The following PDE4B variants were observed in gnomAD, a reference collection of about 807,000 sequenced individuals.
PDE4B encodes 3',5'-cyclic-AMP phosphodiesterase 4B.
In PDE4B, 20 loss-of-function variants were observed where a neutral mutation model predicts 82.2. The observed-to-expected ratio is 0.24, with a 90% confidence interval of 0.17 to 0.35. The LOEUF is 0.35. Among genes scored for constraint, PDE4B ranks in the 10% least tolerant of loss-of-function variants. The probability of loss-of-function intolerance (pLI) is 1.00; values close to 1 mark genes in which losing one functional copy is unlikely to be tolerated. For synonymous variants in PDE4B, 320 were observed against 318.9 expected (o/e 1.00, Z -0.04); for missense variants, 655 against 907.2 (o/e 0.72, Z 3.57).
intron 1 of PDE4B, among the ~76,000 whole-genome samples, chr1:65,832,136 T>C (rs1346080180): frequency 6.6e-6 from 1 of 152,154 alleles, no homozygotes; most frequent in Non-Finnish European, 1.5e-5. Context: ...ATGATAGGTG[T>C]AAGATTGAAA....
At chr1:65,925,318 C>T (rs1647437901) in intron 3 of PDE4B, among the ~76,000 whole-genome samples, 1 of 151,948 alleles carries the variant, frequency 6.6e-6, no homozygotes, top group South Asian at 2.1e-4. Context: ...GCACATGTAC[C>T]CCGGAACTGA....
Position 66,368,966 on chromosome 1 carries a change from C to T in PDE4B, c.1842C>T (p.Ser614=), listed in dbSNP as rs762250367. ...AACACACAGCTTCTGTGGAAAAATCCCAGGTATCTAATATGAGATTTTCAA... is the reference window on the plus strand; with the variant it reads ...AACACACAGCTTCTGTGGAAAAATCTCAGGTATCTAATATGAGATTTTCAA... The part of the protein sequence containing the change: ...CDKHTASVEK[S]QVGFIDYIVH... Residue 614 remains serine, a synonymous_variant, in exon 16 of 17, where the codon TCC becomes TCT. Transcript: ENST00000341517. The T allele has an allele frequency of 1.9e-6, 3 of 1,599,722 alleles. No individual in the cohort carries two copies. The highest frequency in any genetic ancestry group is 2.2e-5 in the South Asian group (2 of 89,054).
At chr1:66,016,566 G>C (rs1652792160) in intron 3 of PDE4B, among the ~76,000 whole-genome samples, 1 of 152,120 alleles carries the variant, frequency 6.6e-6, no homozygotes, top group African/African-American at 2.4e-5. Context: ...AGTTACAATT[G>C]TCAACCATGA....
intron 3 of PDE4B, among the ~76,000 whole-genome samples, chr1:66,047,381 T>A (rs1327651459): frequency 6.6e-6 from 1 of 151,920 alleles, no homozygotes; most frequent in Non-Finnish European, 1.5e-5. Context: ...AATGCCTGGC[T>A]TCTAAGGTGG....
chr1:65,950,527 G>T (rs1436605580), intron 3 of PDE4B, among the ~76,000 whole-genome samples: 1 of 152,056 alleles, frequency 6.6e-6, no homozygotes, highest in African/African-American at 2.4e-5. Flanking sequence ...AAGCAGAATA[G>T]GATGGGGAAA....
chr1:66,008,209 G>A (rs980901797), intron 3 of PDE4B, among the ~76,000 whole-genome samples: 2 of 152,156 alleles, frequency 1.3e-5, no homozygotes, highest in African/African-American at 4.8e-5. Context: ...ACATTAGAGA[G>A]AAGAGACAAA....
chr1:66,008,889 G>T (rs1652307287), intron 3 of PDE4B, among the ~76,000 whole-genome samples: 1 of 151,972 alleles, frequency 6.6e-6, no homozygotes, highest in Non-Finnish European at 1.5e-5. Flanking sequence ...TGCTCCAGAG[G>T]GTTGTGGACC....
intron 3 of PDE4B, among the ~76,000 whole-genome samples, chr1:65,993,916 A>G (rs1226876995): frequency 6.6e-6 from 1 of 152,168 alleles, no homozygotes; most frequent in Non-Finnish European, 1.5e-5. Flanking sequence ...TAAACAGTAT[A>G]ATGATGAAAT....
At chr1:66,195,479 AAT>A (rs1283442100) in intron 3 of PDE4B, among the ~76,000 whole-genome samples, 6 of 152,176 alleles carry the variant, frequency 3.9e-5, no homozygotes, top group Admixed American at 3.9e-4. Flanking sequence ...GTTTATGAAT[AAT>A]ACTTTAGATC....
intron 1 of PDE4B, among the ~76,000 whole-genome samples, chr1:65,821,774 G>A (rs770238907): frequency 6.6e-5 from 10 of 152,150 alleles, no homozygotes; most frequent in Admixed American, 2.0e-4. Flanking sequence ...GCATGCATAA[G>A]AATCAACTGT....
intron 3 of PDE4B, among the ~76,000 whole-genome samples, chr1:66,176,463 A>G (rs1282652059): frequency 6.6e-6 from 1 of 152,230 alleles, no homozygotes; most frequent in Non-Finnish European, 1.5e-5. Context: ...ATAATGCAGT[A>G]ATTTAATTTT....
At chr1:66,074,832 G>C (rs371393953) in intron 3 of PDE4B, among the ~76,000 whole-genome samples, 1 of 152,028 alleles carries the variant, frequency 6.6e-6, no homozygotes, top group East Asian at 1.9e-4. Context: ...TTTTATGGCT[G>C]AATAATATTT....
intron 1 of PDE4B, among the ~76,000 whole-genome samples, chr1:65,855,197 G>GT (rs1646379151): frequency 6.6e-6 from 1 of 150,518 alleles, no homozygotes; most frequent in South Asian, 2.1e-4. Context: ...TTCAGGGTTG[G>GT]TTTTTATTGA....
intron 4 of PDE4B, 71 bp downstream of exon 4, chr1:66,247,725 A>T (rs1653433211): frequency 8.8e-7 from 1 of 1,133,092 alleles, no homozygotes; most frequent in Non-Finnish European, 1.3e-6. Flanking sequence ...AGTGGCAGCA[A>T]CAACAATTCC....
chr1:66,226,611 G>T (rs1472553693), intron 3 of PDE4B, among the ~76,000 whole-genome samples: 1 of 152,208 alleles, frequency 6.6e-6, no homozygotes, highest in African/African-American at 2.4e-5. Flanking sequence ...GGCAAGGAAA[G>T]TTTGGTTTGT....
At chr1:66,348,512 A>G (rs990358544) in intron 8 of PDE4B, among the ~76,000 whole-genome samples, 90 of 152,112 alleles carry the variant, frequency 5.9e-4, no homozygotes, top group African/African-American at 2.2e-3. Flanking sequence ...TCATTGGAAG[A>G]AAAGTCCTCT....
intron 7 of PDE4B, among the ~76,000 whole-genome samples, chr1:66,290,130 A>C (rs191756960): frequency 1.3e-5 from 2 of 152,168 alleles, no homozygotes; most frequent in South Asian, 4.1e-4. Context: ...CCAAGAAGAG[A>C]TATCAACACA....
rs144969487 is a variant in PDE4B at position 66,298,263 on chromosome 1, G to A, written c.634+32176G>A. The stretch of plus-strand genomic sequence containing the variant: ...TGAAATTTTGAAAATAGGAGGAGGA[G>A]CATATCCAGTGGTGAAAGAGAAAAC... On this transcript the variant is annotated intron_variant, in intron 7 of 16. Coordinates refer to ENST00000341517, the MANE Select transcript of PDE4B (RefSeq NM_002600.4). Among the ~76,000 whole-genome samples, 313 of 152,232 alleles carry A rather than the reference G, an allele frequency of 2.1e-3. 1 individual carries two copies. Among genetic ancestry groups the A allele is most frequent in the African/African-American group, 7.2e-3 (300 of 41,562 alleles).
At chr1:65,878,122 C>T (rs1646667994) in intron 1 of PDE4B, among the ~76,000 whole-genome samples, 1 of 151,588 alleles carries the variant, frequency 6.6e-6, no homozygotes, top group Non-Finnish European at 1.5e-5. Flanking sequence ...AGCCAACAAA[C>T]ATGAAAAAAG....
Sources: gnomAD v4.1 joint callset for allele counts (sites outside exome capture counted in the v4.1 genomes callset) on GRCh38, gnomAD v4.1.1 for gene constraint, MANE v1.5 for transcripts, NCBI Gene and HGNC (gene_info 2026-07-23, HGNC 2026-07-21) for gene names.